ARL1: variants seen among roughly 807,000 people sequenced by gnomAD.
ARL1 encodes the protein ADP-ribosylation factor-like protein 1.
Under a neutral mutation model 30.1 loss-of-function variants are expected in ARL1, and 17 were observed. The ratio of observed to expected loss-of-function variants is 0.56; its 90% confidence interval spans 0.39 to 0.85. The LOEUF (loss-of-function observed/expected upper bound fraction) is 0.85, where lower values mean the gene tolerates loss of function less well. ARL1 is among the 40% of genes least tolerant of loss of function. ARL1 has a pLI of 0.00. For synonymous variants in ARL1, 58 were observed against 71.7 expected (o/e 0.81, Z 0.97); for missense variants, 102 against 212.6 (o/e 0.48, Z 3.24).
In ARL1 at chr12:101,396,410, C is replaced by T; in HGVS notation, c.504G>A (p.Glu168=). The T allele has an allele frequency of 6.2e-7, 1 of 1,614,046 alleles. No individual in the cohort carries two copies. Among genetic ancestry groups the T allele is most frequent in the Non-Finnish European group, 8.5e-7 (1 of 1,179,900 alleles). The change falls in exon 5 of 6, where the codon GAG becomes GAA. Residue 168 remains glutamate, a synonymous_variant. Transcript: ENST00000261636. ...TSATKGTGLD[E]AMEWLVETLK... The stretch of plus-strand genomic sequence containing the variant: ...AGCATGATACTTGCCATTCCATTGC[C>T]TCATCAAGGCCGGTGCCTTTGGTTG...
Position 101,395,650 on chromosome 12 carries a change from CT to C in ARL1, c.535del (p.Ser179AlafsTer13). ...GAAGAATGGACTGAATTACTGTCTGCTTTTTAATGTTTCAACTAACCTGTAA... is the reference window on the plus strand; with the variant it reads ...GAAGAATGGACTGAATTACTGTCTGCTTTTAATGTTTCAACTAACCTGTAA... ...AMEWLVETLK[S>X]RQ On this transcript the variant is annotated frameshift_variant, in exon 6 of 6. Transcript: ENST00000261636. LOFTEE classifies it high-confidence loss of function. The C allele has an allele frequency of 6.3e-7, 1 of 1,576,490 alleles. No homozygotes were observed. The highest frequency in any genetic ancestry group is 8.6e-7 in the Non-Finnish European group (1 of 1,157,990).
In ARL1 at chr12:101,395,456, G is replaced by A; in HGVS notation, c.*184C>T. ...TTTACATTACATAGAACATTCAGGT[G>A]ATTCGATCAAATTATCCCTCCAACT... On this transcript the variant is annotated 3_prime_UTR_variant, in exon 6 of 6. Coordinates refer to ENST00000261636, the MANE Select transcript of ARL1 (RefSeq NM_001177.6). The A allele has an allele frequency of 1.8e-6, 1 of 557,984 alleles. No homozygotes were observed. Among genetic ancestry groups the A allele is most frequent in the Non-Finnish European group, 3.2e-6 (1 of 313,238 alleles). 34.6% of individuals were successfully genotyped at this position (557,984 alleles called of 1,614,324 possible). A position where few individuals can be genotyped will look rare whatever the true frequency, so the allele number is the denominator to read the frequency against.
At chr12:101,396,642 C>A in intron 4 of ARL1, 65 bp from the exon 5 acceptor site, 2 of 1,307,504 alleles carry the variant, frequency 1.5e-6, no homozygotes, top group South Asian at 1.4e-5. Flanking sequence ...TAGAAAATGT[C>A]CAAAAATACA....
intron 3 of ARL1, among the ~76,000 whole-genome samples, chr12:101,402,550 A>G (rs1402681660): frequency 6.6e-6 from 1 of 152,170 alleles, no homozygotes; most frequent in African/African-American, 2.4e-5. Flanking sequence ...ATGAATTCCA[A>G]AACAATGTGT....
chr12:101,404,886 T>C (rs1871398050), intron 2 of ARL1, among the ~76,000 whole-genome samples: 1 of 152,196 alleles, frequency 6.6e-6, no homozygotes, highest in African/African-American at 2.4e-5. Flanking sequence ...ACATATATAT[T>C]TTGAGACCTA....
intron 1 of ARL1, 140 bp downstream of exon 1, chr12:101,407,502 T>C: frequency 1.8e-6 from 2 of 1,102,104 alleles, no homozygotes; most frequent in East Asian, 2.5e-5. Context: ...AGATCCAAAG[T>C]GAGTCAAGTC....
At chr12:101,397,484 G>A (rs1871181116) in intron 4 of ARL1, among the ~76,000 whole-genome samples, 2 of 151,886 alleles carry the variant, frequency 1.3e-5, no homozygotes, top group African/African-American at 4.8e-5. Context: ...GGGACAGAGG[G>A]AGACCCTGTC....
At chr12:101,406,151 A>G (rs991964844) in intron 1 of ARL1, among the ~76,000 whole-genome samples, 170 bp from the exon 2 acceptor site, 7 of 152,202 alleles carry the variant, frequency 4.6e-5, no homozygotes, top group Admixed American at 3.3e-4. Flanking sequence ...AATATCAAAC[A>G]AGTAATTAGT....
chr12:101,407,510 G>T, intron 1 of ARL1, 132 bp downstream of exon 1: 1 of 1,221,344 alleles, frequency 8.2e-7, no homozygotes, highest in Non-Finnish European at 1.2e-6. Flanking sequence ...AGTGAGTCAA[G>T]TCCTCCGCGA....
At chr12:101,407,502 T>G in intron 1 of ARL1, 140 bp downstream of exon 1, 1 of 1,102,104 alleles carries the variant, frequency 9.1e-7, no homozygotes, top group South Asian at 1.5e-5. Flanking sequence ...AGATCCAAAG[T>G]GAGTCAAGTC....
intron 3 of ARL1, 155 bp from the exon 4 acceptor site, chr12:101,401,328 G>A (rs192703446): frequency 9.4e-6 from 5 of 534,592 alleles, no homozygotes; most frequent in Admixed American, 3.5e-5. Flanking sequence ...CAGATGTGAT[G>A]GAGTCAAAAG....
intron 1 of ARL1, chr12:101,407,194 C>T (rs749219379): frequency 1.6e-5 from 3 of 186,648 alleles, no homozygotes; most frequent in Non-Finnish European, 3.3e-5. Flanking sequence ...AAACTGACGC[C>T]GTCCCAGCGC....
intron 4 of ARL1, 25 bp from the exon 5 acceptor site, chr12:101,396,602 TTTC>T: frequency 6.3e-7 from 1 of 1,596,988 alleles, no homozygotes; most frequent in Non-Finnish European, 8.6e-7. Flanking sequence ...AAATATTTAA[TTTC>T]TTTTAACTAA....
chr12:101,398,698 AAAGT>A (rs1299258160), intron 4 of ARL1, among the ~76,000 whole-genome samples: 2 of 152,024 alleles, frequency 1.3e-5, no homozygotes, highest in African/African-American at 4.8e-5. Context: ...TCGGCCTCCC[AAAGT>A]GCTGGGATTA....
At chr12:101,406,007 TAC>T in intron 1 of ARL1, 26 bp from the exon 2 acceptor site, 1 of 1,532,910 alleles carries the variant, frequency 6.5e-7, no homozygotes, top group Non-Finnish European at 8.8e-7. Flanking sequence ...AGAAAAAACA[TAC>T]ACAATGTCAT....
At chr12:101,397,118 G>A (rs1408481556) in intron 4 of ARL1, among the ~76,000 whole-genome samples, 1 of 152,030 alleles carries the variant, frequency 6.6e-6, no homozygotes, top group Non-Finnish European at 1.5e-5. Context: ...TCTAAAAATG[G>A]AGTCAAAGTA....
intron 1 of ARL1, 37 bp downstream of exon 1, chr12:101,407,605 C>T: frequency 6.2e-7 from 1 of 1,608,294 alleles, no homozygotes; most frequent in Non-Finnish European, 8.5e-7. Context: ...CCGCGGCTCC[C>T]TCGAGCGCGC....
chr12:101,393,509 T>G lies in ARL1; in HGVS notation c.*2131A>C, dbSNP rs1185532536. 1.3e-5 allele frequency: 2 copies of G among 152,184 alleles called. No homozygotes were observed. Among genetic ancestry groups the G allele is most frequent in the African/African-American group, 4.8e-5 (2 of 41,456 alleles). 9.4% of individuals were successfully genotyped at this position (152,184 alleles called of 1,614,324 possible). A position where few individuals can be genotyped will look rare whatever the true frequency, so the allele number is the denominator to read the frequency against. ...TGCCAGGCCTCTCATAAAACAATATTCAGATTTGCCATGTATATATCAATA... is the reference window on the plus strand; with the variant it reads ...TGCCAGGCCTCTCATAAAACAATATGCAGATTTGCCATGTATATATCAATA... On this transcript the variant is annotated 3_prime_UTR_variant, in exon 6 of 6. Coordinates refer to ENST00000261636, the MANE Select transcript of ARL1 (RefSeq NM_001177.6).
chr12:101,395,894 C>T (rs914431695), intron 5 of ARL1, among the ~76,000 whole-genome samples: 3 of 152,158 alleles, frequency 2.0e-5, no homozygotes, highest in Admixed American at 1.3e-4. Context: ...ATTTTCCAGG[C>T]TACTACTACT....
Sources: allele counts gnomAD v4.1 joint callset (sites outside exome capture counted in the v4.1 genomes callset), GRCh38; gene constraint gnomAD v4.1.1; transcripts MANE v1.5; gene names NCBI Gene and HGNC (gene_info 2026-07-23, HGNC 2026-07-21).